SNRPN: variants seen among roughly 807,000 people sequenced by gnomAD.
SNRPN encodes small nuclear ribonucleoprotein polypeptide N.
A neutral mutation model predicts 25.2 loss-of-function variants in SNRPN; 7 were observed. The ratio of observed to expected loss-of-function variants is 0.28; its 90% CI spans 0.16 to 0.52. SNRPN has a LOEUF of 0.52. Ranked by LOEUF, SNRPN falls within the 20% of genes least tolerant of loss-of-function variation. The probability of loss-of-function intolerance (pLI) is 0.96; values close to 1 mark genes in which losing one functional copy is unlikely to be tolerated. For synonymous variants in SNRPN, 124 were observed against 110.6 expected (o/e 1.12, Z -0.76); for missense variants, 196 against 322.5 (o/e 0.61, Z 3.00).
intron 1 of SNRPN, among the ~76,000 whole-genome samples, chr15:24,955,286 C>T (rs906108254): frequency 2.0e-5 from 3 of 152,030 alleles, no homozygotes; most frequent in African/African-American, 4.8e-5. Context: ...GTCCCCCATC[C>T]GCCCCCAACT....
intron 1 of SNRPN, among the ~76,000 whole-genome samples, chr15:24,961,053 T>C (rs997012986): frequency 6.6e-6 from 1 of 152,214 alleles, no homozygotes; most frequent in African/African-American, 2.4e-5. Flanking sequence ...CCTTTCACTT[T>C]CTTTAGTGTT....
chr15:24,923,881 A>ATGTGTGTGTGTGTGTGTGTG (rs58343685), intron 3 of SNRPN, among the ~76,000 whole-genome samples: 1 of 106,122 alleles, frequency 9.4e-6, no homozygotes, highest in African/African-American at 3.8e-5. Flanking sequence ...AGTGCCGTGT[A>ATGTGTGTGTGTGTGTGTGTG]TGTGTGTGTG....
chr15:24,964,568 G>A (rs2075345432), intron 2 of SNRPN, among the ~76,000 whole-genome samples: 1 of 152,134 alleles, frequency 6.6e-6, no homozygotes, highest in Admixed American at 6.6e-5. Flanking sequence ...AAAGTGCTAG[G>A]ATTACAGGTG....
chr15:24,977,647 A>T, intron 7 of SNRPN, 131 bp from the exon 8 acceptor site: 2 of 898,114 alleles, frequency 2.2e-6, no homozygotes, highest in Non-Finnish European at 3.2e-6. Context: ...AAAAAAAAAC[A>T]TGGGAATAAT....
chr15:24,967,899 T>A (rs2075892147), intron 2 of SNRPN, 33 bp from the exon 3 acceptor site: 1 of 1,565,270 alleles, frequency 6.4e-7, no homozygotes, highest in African/African-American at 1.4e-5. Flanking sequence ...AAATGTATTT[T>A]TATCATTTAT....
At position 24,857,615 on chromosome 15, in the gene SNRPN, A is replaced by G. The variant is rs549740625; in HGVS notation, c.-579+899A>G. Among the ~76,000 whole-genome samples, 47 of 152,016 alleles carry G rather than the reference A, an allele frequency of 3.1e-4. 1 individual carries two copies. Among genetic ancestry groups the G allele is most frequent in the Admixed American group, 1.0e-3 (16 of 15,260 alleles). ...TTTTTTTTACTCTGTCAATAATTTA[A>G]CACCTTTGTATTGGTCATCTGGGTC... On this transcript the variant is annotated intron_variant, in intron 1 of 11. Coordinates refer to the SNRPN transcript ENST00000400097.
chr15:24,848,906 A>T (rs941028006), intron 2 of SNRPN: 23 of 151,056 alleles, frequency 1.5e-4, no homozygotes, highest in African/African-American at 4.9e-4. Context: ...TTTAATTTTT[A>T]TTTTATTTTA....
rs551085946 is a variant in SNRPN, at chr15:24,873,179, G to C, written c.-578-13337G>C. Among the ~76,000 whole-genome samples the C allele has an allele frequency of 8.5e-5, 10 of 117,988 alleles. 5 individuals carry two copies. The East Asian group carries it at 3.0e-3, about 36-fold the overall frequency. The allele number at this position is 117,988 out of a possible 152,430, so 77.4% of individuals were successfully genotyped here. ...CTCCCGCCTTGCCCGCAAAAAAAAA[G>C]CAACAGGGATTCCCATAGCACAACG... On this transcript the variant is annotated intron_variant, in intron 1 of 11. Transcript: ENST00000400097.
chr15:24,852,104 T>C (rs945657969), upstream of SNRPN: 2 of 152,234 alleles, frequency 1.3e-5, no homozygotes, highest in African/African-American at 4.8e-5. Flanking sequence ...TCGTTGATCA[T>C]TTATGAAGAT....
chr15:24,915,480 A>G (rs1566905472), intron 2 of SNRPN, among the ~76,000 whole-genome samples: 1 of 152,132 alleles, frequency 6.6e-6, no homozygotes, highest in African/African-American at 2.4e-5. Flanking sequence ...TTTTATAATG[A>G]GGTCCACAGA....
intron 3 of SNRPN, chr15:24,921,388 A>T (rs183277816): frequency 8.5e-5 from 13 of 152,316 alleles, no homozygotes; most frequent in Non-Finnish European, 1.6e-4. Context: ...GTAGCCCTGG[A>T]AACATGTTTG....
At chr15:24,855,649 A>G (rs373619639), upstream of SNRPN, among the ~76,000 whole-genome samples, 31 of 152,094 alleles carry the variant, frequency 2.0e-4, no homozygotes, top group East Asian at 4.6e-3. Context: ...AAAATTATCC[A>G]GGCATGCTGG....
At chr15:24,975,275 G>T in intron 4 of SNRPN, 83 bp from the exon 5 acceptor site, 1 of 1,078,812 alleles carries the variant, frequency 9.3e-7, no homozygotes, top group Non-Finnish European at 1.4e-6. Context: ...CTTAGATTAT[G>T]TAAGGGTGGA....
At chr15:24,934,711 G>A (rs1457949572) in intron 3 of SNRPN, among the ~76,000 whole-genome samples, 1 of 152,026 alleles carries the variant, frequency 6.6e-6, no homozygotes, top group Non-Finnish European at 1.5e-5. Context: ...GTGTGCCTCC[G>A]CTCCCAGCTA....
intron 2 of SNRPN, among the ~76,000 whole-genome samples, chr15:24,964,126 C>T (rs1439264379): frequency 3.3e-5 from 5 of 150,954 alleles, no homozygotes; most frequent in Non-Finnish European, 5.9e-5. Flanking sequence ...TTTATTTTGC[C>T]GATTTTTACT....
intron 2 of SNRPN, among the ~76,000 whole-genome samples, chr15:24,841,290 G>T (rs2051682315): frequency 6.6e-6 from 1 of 152,016 alleles, no homozygotes; most frequent in Non-Finnish European, 1.5e-5. Flanking sequence ...CCACTATTGT[G>T]TCTTAGTTCT....
chr15:24,955,245 G>A (rs929685726), intron 1 of SNRPN, among the ~76,000 whole-genome samples, 183 bp downstream of exon 1: 6 of 152,140 alleles, frequency 3.9e-5, no homozygotes, highest in African/African-American at 1.2e-4. Flanking sequence ...GTTCTGCCCC[G>A]ATGGTATCCT....
intron 1 of SNRPN, among the ~76,000 whole-genome samples, chr15:24,881,586 A>ATC (rs767199617): frequency 0.22 from 14,568 of 66,566 alleles, 1,646 homozygotes; most frequent in Admixed American, 0.39. Context: ...GGAGGGAGGG[A>ATC]GAGAGAGAGA....
chr15:24,886,497 A>T (rs900132543), intron 1 of SNRPN: 25 of 151,406 alleles, frequency 1.7e-4, no homozygotes, highest in African/African-American at 5.9e-4. Flanking sequence ...ATCATTGAAT[A>T]TGACTTTTTC....
Sources: gnomAD v4.1 joint callset for allele counts (sites outside exome capture counted in the v4.1 genomes callset) on GRCh38, gnomAD v4.1.1 for gene constraint, MANE v1.5 for transcripts, NCBI Gene and HGNC (gene_info 2026-07-23, HGNC 2026-07-21) for gene names.